The following YES1 variants were observed in gnomAD, a reference collection of about 807,000 sequenced individuals.
The protein encoded by YES1 is YES proto-oncogene 1, Src family tyrosine kinase, also known as tyrosine-protein kinase Yes.
Under a neutral mutation model 70.4 loss-of-function variants are expected in YES1, and 39 were observed. The observed-to-expected ratio is 0.55, with a 90% confidence interval of 0.43 to 0.72. YES1 has a LOEUF of 0.72. Ranked by LOEUF, YES1 falls within the 30% of genes least tolerant of loss-of-function variation. YES1 has a pLI of 0.00. For synonymous variants in YES1, 198 were observed against 218.6 expected (o/e 0.91, Z 0.83); for missense variants, 495 against 644.8 (o/e 0.77, Z 2.52).
rs1465538130 is a variant in YES1 at position 754,986 on chromosome 18, T to C, written c.271+1571A>G. Among the ~76,000 whole-genome samples, 7 of 152,212 alleles carry C rather than the reference T, an allele frequency of 4.6e-5. No individual in the cohort carries two copies. In the South Asian group the frequency reaches 6.2e-4, roughly 14 times the overall value. ...TGAGTTAATAAATGAATACCCCTAA[T>C]AGAATATTTCATATAAGTAAATTGC... On this transcript the variant is annotated intron_variant, in intron 2 of 11. Transcript: ENST00000314574.
rs529894305 is a variant in YES1 at position 783,412 on chromosome 18, C to T, written c.-8-26577G>A. Among the ~76,000 whole-genome samples the T allele has an allele frequency of 6.7e-5, 10 of 148,736 alleles. No individual in the cohort carries two copies. In the East Asian group the frequency reaches 1.2e-3, roughly 18 times the overall value. On this transcript the variant is annotated intron_variant, in intron 1 of 11. Coordinates refer to ENST00000314574, the MANE Select transcript of YES1 (RefSeq NM_005433.4). ...GGAAACACACACACACACACACACA[C>T]GGAAAAAATAATCACATAACCTATA...
intron 1 of YES1, among the ~76,000 whole-genome samples, chr18:789,788 A>G (rs1721486596): frequency 6.6e-6 from 1 of 151,700 alleles, no homozygotes; most frequent in African/African-American, 2.4e-5. Context: ...GGCCAGGCAC[A>G]GTGGCTCAAG....
At position 781,419 on chromosome 18, in the gene YES1, T is replaced by TACTC. The variant is rs569589625; in HGVS notation, c.-8-24588_-8-24585dup. On this transcript the variant is annotated intron_variant, in intron 1 of 11. Coordinates refer to ENST00000314574, the MANE Select transcript of YES1 (RefSeq NM_005433.4). ...TCTTTCCTTACGCTTGGCTTGTGAC[T>TACTC]ACTCAACCTTCAGGTCTTAGCTTAA... Among the ~76,000 whole-genome samples the TACTC allele has an allele frequency of 4.8e-3, 724 of 152,284 alleles. 6 individuals are homozygous for TACTC. Among genetic ancestry groups the TACTC allele is most frequent in the African/African-American group, 0.017 (696 of 41,558 alleles).
At chr18:768,633 G>A (rs948985041) in intron 1 of YES1, among the ~76,000 whole-genome samples, 10 of 152,138 alleles carry the variant, frequency 6.6e-5, no homozygotes, top group East Asian at 3.9e-4. Flanking sequence ...CATATATGAC[G>A]GTGGTCCCGT....
At chr18:799,841 T>C (rs1328984457) in intron 1 of YES1, among the ~76,000 whole-genome samples, 1 of 151,862 alleles carries the variant, frequency 6.6e-6, no homozygotes, top group Non-Finnish European at 1.5e-5. Flanking sequence ...GCAGAGATCA[T>C]GCCACTGCCC....
chr18:739,901 A>G, intron 8 of YES1, 90 bp from the exon 9 acceptor site: 1 of 945,874 alleles, frequency 1.1e-6, no homozygotes, highest in Non-Finnish European at 1.5e-6. Context: ...TCACAACACA[A>G]AACTTCTTAG....
At chr18:736,668 A>C in intron 10 of YES1, 140 bp downstream of exon 10, 3 of 1,174,226 alleles carry the variant, frequency 2.6e-6, no homozygotes, top group Non-Finnish European at 3.4e-6. Flanking sequence ...GCAGTACATG[A>C]TTTTATGAAT....
At chr18:806,798 C>A (rs183589696) in intron 1 of YES1, among the ~76,000 whole-genome samples, 53 of 152,332 alleles carry the variant, frequency 3.5e-4, no homozygotes, top group Middle Eastern at 3.4e-3. Context: ...TCTTACTGTT[C>A]AAATGCATGG....
chr18:770,478 C>CA (rs1010069214), intron 1 of YES1, among the ~76,000 whole-genome samples: 9 of 152,096 alleles, frequency 5.9e-5, no homozygotes, highest in Non-Finnish European at 1.3e-4. Context: ...TAGAATTCAG[C>CA]AAAAAGTCAG....
chr18:743,053 GT>G lies in YES1; in HGVS notation c.924del (p.Lys308AsnfsTer5). On this transcript the variant is annotated frameshift_variant, in exon 8 of 12. Transcript: ENST00000314574. LOFTEE classifies it high-confidence loss of function. ...GTTKVAIKTL[K>X]PGTMMPEAFL... ...AAAGCTTCTGGCATCATTGTACCTG[GT>G]TTTAGTGTTTTGATTGCTACTTTCG... 1 of 1,606,442 alleles carries G rather than the reference GT, an allele frequency of 6.2e-7. No homozygotes were observed. The highest frequency in any genetic ancestry group is 1.1e-5 in the South Asian group (1 of 88,722).
At chr18:728,929 C>A (rs528824368) in intron 11 of YES1, among the ~76,000 whole-genome samples, 80 of 152,270 alleles carry the variant, frequency 5.3e-4, no homozygotes, top group African/African-American at 1.8e-3. Context: ...TTGAATTTCA[C>A]TGAGTTTAAT....
intron 8 of YES1, among the ~76,000 whole-genome samples, chr18:742,064 C>T (rs1162385701): frequency 6.6e-6 from 1 of 152,058 alleles, no homozygotes; most frequent in Non-Finnish European, 1.5e-5. Context: ...AGACACACCA[C>T]TGGAGAGGGT....
intron 1 of YES1, among the ~76,000 whole-genome samples, chr18:795,985 T>C (rs904731988): frequency 6.6e-6 from 1 of 151,092 alleles, no homozygotes; most frequent in African/African-American, 2.4e-5. Context: ...TCAGAGTCTA[T>C]ATAATAAAAC....
At chr18:757,592 G>A (rs544130074) in intron 1 of YES1, among the ~76,000 whole-genome samples, 16 of 151,882 alleles carry the variant, frequency 1.1e-4, no homozygotes, top group East Asian at 9.7e-4. Context: ...ATGCCTAGGC[G>A]GACCGATCAC....
intron 1 of YES1, among the ~76,000 whole-genome samples, chr18:759,954 G>A (rs1294344833): frequency 6.8e-6 from 1 of 147,260 alleles, no homozygotes; most frequent in Non-Finnish European, 1.5e-5. Context: ...GTGAGAACAT[G>A]CAGTGTTTGG....
rs958248764 is a variant in YES1 at position 751,723 on chromosome 18, A to C, written c.353T>G (p.Phe118Cys). The stretch of plus-strand genomic sequence containing the variant: ...CACTTACGTATTGTTAATTATTTGA[A>C]ATCTTTCACCCTTCTTAAATGAAAG... ...EDLSFKKGER[F>C]QIINNTEGDW... is the part of the protein sequence containing the mutation. The change falls in exon 3 of 12, where the codon TTT becomes TGT. Residue 118 changes from phenylalanine to cysteine, a missense_variant. Coordinates refer to ENST00000314574, the MANE Select transcript of YES1 (RefSeq NM_005433.4). The C allele has an allele frequency of 1.3e-5, 21 of 1,586,572 alleles. No homozygotes were observed. The highest frequency in any genetic ancestry group is 1.7e-5 in the Non-Finnish European group (20 of 1,157,290).
rs1335253287 is a variant in YES1 at position 722,690 on chromosome 18, A to G, written c.*1734T>C. 6.6e-6 allele frequency: 1 copy of G among 152,164 alleles called. No individual in the cohort carries two copies. Among genetic ancestry groups the G allele is most frequent in the Non-Finnish European group, 1.5e-5 (1 of 68,020 alleles). The allele number at this position is 152,164 out of a possible 1,614,324, so 9.4% of individuals were successfully genotyped here. ...TTTCACTTTTGCACTTTAGGGTAAA[A>G]ACTGTCCCCTTTTCACCACCGTTAA... is the stretch of plus-strand genomic sequence containing the variant. On this transcript the variant is annotated 3_prime_UTR_variant, in exon 12 of 12. Coordinates refer to ENST00000314574, the MANE Select transcript of YES1 (RefSeq NM_005433.4).
chr18:731,707 C>T (rs1311880663), intron 11 of YES1, among the ~76,000 whole-genome samples: 1 of 152,150 alleles, frequency 6.6e-6, no homozygotes, highest in East Asian at 1.9e-4. Flanking sequence ...GTGGCTCACG[C>T]CTGTAATCCC....
chr18:808,243 C>T (rs1907197571), intron 1 of YES1, among the ~76,000 whole-genome samples: 1 of 152,258 alleles, frequency 6.6e-6, no homozygotes, highest in Non-Finnish European at 1.5e-5. Context: ...ACGATATTGG[C>T]GGCAGCACTG....
Sources: allele counts gnomAD v4.1 joint callset (sites outside exome capture counted in the v4.1 genomes callset), GRCh38; gene constraint gnomAD v4.1.1; transcripts MANE v1.5; gene names NCBI Gene and HGNC (gene_info 2026-07-23, HGNC 2026-07-21).